ZFAND3: variants seen among roughly 807,000 people sequenced by gnomAD.
The protein encoded by ZFAND3 is zinc finger AN1-type containing 3.
Under a neutral mutation model 29.6 loss-of-function variants are expected in ZFAND3, and 10 were observed. The observed-to-expected ratio is 0.34, with a 90% confidence interval of 0.21 to 0.57. ZFAND3 has a LOEUF of 0.57. ZFAND3 is among the 20% of genes least tolerant of loss of function. The probability of loss-of-function intolerance (pLI) is 0.86; values close to 1 mark genes in which losing one functional copy is unlikely to be tolerated. For synonymous variants in ZFAND3, 128 were observed against 112.6 expected (o/e 1.14, Z -0.87); for missense variants, 230 against 304.5 (o/e 0.76, Z 1.82).
intron 4 of ZFAND3, among the ~76,000 whole-genome samples, chr6:38,096,068 A>G (rs1312187712): frequency 1.3e-5 from 2 of 152,112 alleles, no homozygotes; most frequent in Non-Finnish European, 2.9e-5. Flanking sequence ...GTCTTCTAGT[A>G]TTCCATGTTA....
At chr6:38,004,534 T>TACACACACACACACACAC (rs56068930) in intron 2 of ZFAND3, among the ~76,000 whole-genome samples, 19 of 147,452 alleles carry the variant, frequency 1.3e-4, no homozygotes, top group African/African-American at 4.8e-4. Flanking sequence ...TAAAGCTGTC[T>TACACACACACACACACAC]ACACACACAC....
intron 1 of ZFAND3, among the ~76,000 whole-genome samples, chr6:37,884,494 C>CA (rs58015486): frequency 0.038 from 2,041 of 53,470 alleles, 72 homozygotes; most frequent in Admixed American, 0.076. Flanking sequence ...AACTCTAGCT[C>CA]AAAAAAAAAA....
At chr6:37,936,714 T>G (rs916282646) in intron 2 of ZFAND3, among the ~76,000 whole-genome samples, 9 of 152,194 alleles carry the variant, frequency 5.9e-5, no homozygotes, top group African/African-American at 1.9e-4. Flanking sequence ...AAATTTTAAT[T>G]TTGTCTGTGT....
chr6:37,993,287 C>T (rs1198073428), intron 2 of ZFAND3, among the ~76,000 whole-genome samples: 3 of 151,862 alleles, frequency 2.0e-5, no homozygotes, highest in East Asian at 1.9e-4. Flanking sequence ...TTGCTGATTT[C>T]TGTTCGCCTT....
At chr6:37,833,824 CAA>C (rs55733520) in intron 1 of ZFAND3, among the ~76,000 whole-genome samples, 20 of 67,984 alleles carry the variant, frequency 2.9e-4, no homozygotes, top group Non-Finnish European at 4.4e-4. Context: ...GACACTGTCT[CAA>C]AAAAAAAAAA....
chr6:38,108,024 A>G (rs894632427), intron 4 of ZFAND3, among the ~76,000 whole-genome samples: 1 of 152,212 alleles, frequency 6.6e-6, no homozygotes, highest in African/African-American at 2.4e-5. Context: ...ATAAGAGCCA[A>G]ATGTAACACA....
intron 1 of ZFAND3, among the ~76,000 whole-genome samples, chr6:37,857,571 A>G (rs1256118717): frequency 2.6e-5 from 4 of 152,204 alleles, no homozygotes. Context: ...ATGATGTGTG[A>G]TTTATGGAAC....
intron 2 of ZFAND3, among the ~76,000 whole-genome samples, chr6:37,956,430 G>T (rs1163397390): frequency 1.3e-5 from 2 of 152,210 alleles, no homozygotes; most frequent in Non-Finnish European, 2.9e-5. Context: ...CCTTGGAGGA[G>T]GAAGCAGAAA....
intron 4 of ZFAND3, among the ~76,000 whole-genome samples, chr6:38,089,725 A>T (rs533701232): frequency 1.3e-5 from 2 of 152,332 alleles, no homozygotes; most frequent in South Asian, 4.1e-4. Context: ...GTCAATATTC[A>T]TGGAAACATT....
intron 2 of ZFAND3, among the ~76,000 whole-genome samples, chr6:37,986,816 A>G (rs1263296610): frequency 3.3e-5 from 5 of 152,196 alleles, no homozygotes; most frequent in Non-Finnish European, 7.3e-5. Context: ...TAAGAAGCCT[A>G]AGTATTAAAA....
chr6:38,113,493 T>C (rs1050672436), intron 4 of ZFAND3, among the ~76,000 whole-genome samples: 2 of 152,232 alleles, frequency 1.3e-5, no homozygotes, highest in African/African-American at 2.4e-5. Flanking sequence ...TGGGATCATG[T>C]AGACATTCCT....
At chr6:38,097,577 A>T (rs1449713143) in intron 4 of ZFAND3, among the ~76,000 whole-genome samples, 1 of 152,208 alleles carries the variant, frequency 6.6e-6, no homozygotes, top group South Asian at 2.1e-4. Context: ...GCCTAGACAG[A>T]TCATCCAGTT....
chr6:38,073,538 T>C (rs1042239274), intron 3 of ZFAND3, among the ~76,000 whole-genome samples: 4 of 152,194 alleles, frequency 2.6e-5, no homozygotes, highest in Non-Finnish European at 5.9e-5. Flanking sequence ...GTATTAAATA[T>C]GCTTTGTCAC....
intron 4 of ZFAND3, among the ~76,000 whole-genome samples, chr6:38,113,145 T>C (rs528076971): frequency 6.6e-6 from 1 of 152,224 alleles, no homozygotes; most frequent in East Asian, 1.9e-4. Flanking sequence ...CTATCTGGAA[T>C]AGTTCTTTGA....
Position 37,921,834 on chromosome 6 carries a change from T to G in ZFAND3, c.72-8125T>G, listed in dbSNP as rs1761385971. The stretch of plus-strand genomic sequence containing the variant: ...GCTGAGGCAGGTAGATTGCTTGAGC[T>G]CACTAGTCAGAGACCTGCCTGGGCA... On this transcript the variant is annotated intron_variant, in intron 1 of 5. Coordinates refer to ENST00000287218, the MANE Select transcript of ZFAND3 (RefSeq NM_021943.3). 2.0e-5 allele frequency among the ~76,000 whole-genome samples: 3 copies of G among 148,210 alleles called. No individual in the cohort carries two copies. In the South Asian group the frequency reaches 6.3e-4, roughly 31 times the overall value.
intron 2 of ZFAND3, among the ~76,000 whole-genome samples, chr6:38,026,621 G>A (rs1230780879): frequency 1.3e-5 from 2 of 151,730 alleles, no homozygotes; most frequent in African/African-American, 4.8e-5. Context: ...AGTGGAGATG[G>A]GGCTTCACCA....
rs138291499 is a variant in ZFAND3 at position 38,070,565 on chromosome 6, C to T, written c.295+8790C>T. On this transcript the variant is annotated intron_variant, in intron 3 of 5. Coordinates refer to ENST00000287218, the MANE Select transcript of ZFAND3 (RefSeq NM_021943.3). ...ACTCCTGCATAATATTCTATATTGC[C>T]CTTACTATCCTTTTCTCTACTCTCT... 6.8e-3 allele frequency among the ~76,000 whole-genome samples: 1,038 copies of T among 152,082 alleles called. 29 individuals carry two copies. In the East Asian group the frequency reaches 0.073, roughly 11 times the overall value.
intron 5 of ZFAND3, among the ~76,000 whole-genome samples, chr6:38,129,163 CT>C (rs1765695035): frequency 6.6e-6 from 1 of 152,020 alleles, no homozygotes. Flanking sequence ...TCTTAGCCCA[CT>C]TTTTGATGGG....
intron 2 of ZFAND3, among the ~76,000 whole-genome samples, chr6:37,972,067 T>C (rs114272875): frequency 6.6e-6 from 1 of 152,234 alleles, no homozygotes; most frequent in African/African-American, 2.4e-5. Flanking sequence ...AATATCGAAA[T>C]TAGTTGTGTA....
Sources: gnomAD v4.1 joint callset for allele counts (sites outside exome capture counted in the v4.1 genomes callset) on GRCh38, gnomAD v4.1.1 for gene constraint, MANE v1.5 for transcripts, NCBI Gene and HGNC (gene_info 2026-07-23, HGNC 2026-07-21) for gene names.